Variants in SIPA1L2 observed in about 807,000 individuals in gnomAD.
SIPA1L2 encodes the protein signal induced proliferation associated 1 like 2, also known as signal-induced proliferation-associated 1-like protein 2.
SIPA1L2 carries 56 observed loss-of-function variants against 163.9 expected under a neutral mutation model. The ratio of observed to expected loss-of-function variants is 0.34; its 90% CI spans 0.28 to 0.43. SIPA1L2 has a LOEUF of 0.43. Ranked by LOEUF, SIPA1L2 falls within the 20% of genes least tolerant of loss-of-function variation. The pLI is 1.00. For missense variants in SIPA1L2, 1,974 were observed against 2,193.5 expected, an observed-to-expected ratio of 0.90 and a Z score of 2.00; for synonymous variants, 877 against 865.7, an observed-to-expected ratio of 1.01 and a Z score of -0.23.
At chr1:232,412,806 C>T (rs553978215) in intron 19 of SIPA1L2, among the ~76,000 whole-genome samples, 1 of 152,294 alleles carries the variant, frequency 6.6e-6, no homozygotes, top group African/African-American at 2.4e-5. Context: ...ACTCCTTCCA[C>T]ATTATTTTAT....
intron 19 of SIPA1L2, among the ~76,000 whole-genome samples, chr1:232,411,506 T>G (rs940981844): frequency 6.6e-6 from 1 of 152,214 alleles, no homozygotes; most frequent in African/African-American, 2.4e-5. Context: ...TGGATCAAAT[T>G]TGCTATTGGT....
intron 19 of SIPA1L2, among the ~76,000 whole-genome samples, chr1:232,412,075 T>C (rs1209809221): frequency 1.3e-5 from 2 of 152,224 alleles, no homozygotes; most frequent in Non-Finnish European, 2.9e-5. Flanking sequence ...TAAGTAGTCA[T>C]GATTTGACAG....
At chr1:232,427,913 C>G (rs1482091841) in intron 17 of SIPA1L2, among the ~76,000 whole-genome samples, 2 of 152,212 alleles carry the variant, frequency 1.3e-5, no homozygotes, top group African/African-American at 4.8e-5. Context: ...TAAGGAGAGA[C>G]AGCTTGGAGC....
At chr1:232,481,402 G>C (rs1572962964) in intron 6 of SIPA1L2, among the ~76,000 whole-genome samples, 1 of 152,274 alleles carries the variant, frequency 6.6e-6, no homozygotes, top group East Asian at 1.9e-4. Flanking sequence ...AATTCGGAAA[G>C]AGAAATGCTG....
At position 232,514,896 on chromosome 1, in the gene SIPA1L2, G is replaced by T. The variant is rs1301853819; in HGVS notation, c.444C>A (p.Ser148=). Residue 148 remains serine, a synonymous_variant, in exon 3 of 23, where the codon TCC becomes TCA. Transcript: ENST00000674635. ...KYTIGDIFVH[S]PQRGLHPIRQ... is the part of the protein sequence containing the mutation. ...TTATGGGGTGAAGTCCTCTTTGGGG[G>T]GAATGGACAAAGATGTCTCCGATTG... The T allele has an allele frequency of 3.7e-6, 6 of 1,614,094 alleles. No homozygotes were observed. The highest frequency in any genetic ancestry group is 5.1e-6 in the Non-Finnish European group (6 of 1,180,008).
chr1:232,556,357 T>C (rs1349742630), intron 2 of SIPA1L2, among the ~76,000 whole-genome samples: 4 of 152,180 alleles, frequency 2.6e-5, no homozygotes, highest in Non-Finnish European at 4.4e-5. Flanking sequence ...CAAATAATTA[T>C]CTCAATTACA....
At chr1:232,419,838 CT>C (rs1661464662) in intron 18 of SIPA1L2, among the ~76,000 whole-genome samples, 1 of 152,226 alleles carries the variant, frequency 6.6e-6, no homozygotes, top group Non-Finnish European at 1.5e-5. Flanking sequence ...ATATGCAATA[CT>C]TTTATCACTA....
intron 19 of SIPA1L2, among the ~76,000 whole-genome samples, chr1:232,406,317 G>C (rs1660630674): frequency 6.6e-6 from 1 of 152,182 alleles, no homozygotes; most frequent in South Asian, 2.1e-4. Flanking sequence ...CTCCACACGT[G>C]GAGCCCCTTC....
intron 1 of SIPA1L2, among the ~76,000 whole-genome samples, chr1:232,625,548 C>T (rs1212454496): frequency 2.0e-5 from 3 of 152,126 alleles, no homozygotes; most frequent in Admixed American, 6.5e-5. Flanking sequence ...AAAGGAAACT[C>T]GTTGAGTCTG....
intron 1 of SIPA1L2, among the ~76,000 whole-genome samples, chr1:232,628,142 G>GCCT (rs1458713637): frequency 6.6e-6 from 1 of 152,198 alleles, no homozygotes; most frequent in Non-Finnish European, 1.5e-5. Context: ...ATAACTGGGA[G>GCCT]CCTGCTGCTG....
intron 3 of SIPA1L2, among the ~76,000 whole-genome samples, chr1:232,498,087 A>G (rs1666289411): frequency 6.6e-6 from 1 of 152,148 alleles, no homozygotes; most frequent in Admixed American, 6.5e-5. Flanking sequence ...CTCACCTCCA[A>G]AAAGGCCAAA....
At position 232,597,629 on chromosome 1, in the gene SIPA1L2, G is replaced by T. The variant is rs985558272; in HGVS notation, c.-318-23407C>A. On this transcript the variant is annotated intron_variant, in intron 1 of 22. Coordinates refer to ENST00000674635, the MANE Select transcript of SIPA1L2 (RefSeq NM_020808.5). ...GGCATGAACCCAGGAGGCAGAGGTT[G>T]CAGTGAGCCGAGTTTGCGCCACTGC... Among the ~76,000 whole-genome samples the T allele has an allele frequency of 2.1e-5, 3 of 146,068 alleles. No individual in the cohort carries two copies. The Middle Eastern group carries it at 0.011, about 537-fold the overall frequency.
Position 232,416,918 on chromosome 1 carries a change from CGTT to C in SIPA1L2, c.4631-1296_4631-1294del, listed in dbSNP as rs752819894. ...AAGTGTTTATGTCATTAATAATACTCGTTGTTAAGAACTTATTACGCATCTGAG... is the reference window on the plus strand; with the variant it reads ...AAGTGTTTATGTCATTAATAATACTCGTTAAGAACTTATTACGCATCTGAG... On this transcript the variant is annotated intron_variant, in intron 18 of 22. Transcript: ENST00000674635. 1.4e-4 allele frequency among the ~76,000 whole-genome samples: 22 copies of C among 152,204 alleles called. No homozygotes were observed. In the South Asian group the frequency reaches 1.5e-3, roughly 10 times the overall value.
Position 232,398,995 on chromosome 1 carries a change from G to T in SIPA1L2, c.*132C>A. On this transcript the variant is annotated 3_prime_UTR_variant, in exon 23 of 23. Coordinates refer to ENST00000674635, the MANE Select transcript of SIPA1L2 (RefSeq NM_020808.5). ...TCGAGGCTCCCTATCCTGCTGTGGT[G>T]AATGGTGCTACACAGAATGGAACAG... is the stretch of plus-strand genomic sequence containing the variant. 1.6e-6 allele frequency: 2 copies of T among 1,263,180 alleles called. No homozygotes were observed. Among genetic ancestry groups the T allele is most frequent in the African/African-American group, 3.0e-5 (2 of 67,680 alleles). 78.2% of individuals were successfully genotyped at this position (1,263,180 alleles called of 1,614,324 possible).
intron 19 of SIPA1L2, 133 bp downstream of exon 19, chr1:232,415,361 T>A (rs994326140): frequency 3.5e-6 from 4 of 1,143,872 alleles, no homozygotes; most frequent in Non-Finnish European, 4.7e-6. Context: ...GTTTTCATCA[T>A]CCAACAAGGC....
intron 8 of SIPA1L2, among the ~76,000 whole-genome samples, chr1:232,466,642 T>A (rs575276372): frequency 6.6e-6 from 1 of 152,072 alleles, no homozygotes; most frequent in African/African-American, 2.4e-5. Flanking sequence ...TACAAAAAAA[T>A]TAGCCGGGCG....
intron 1 of SIPA1L2, among the ~76,000 whole-genome samples, chr1:232,626,586 A>T (rs1663089614): frequency 6.6e-6 from 1 of 152,212 alleles, no homozygotes; most frequent in African/African-American, 2.4e-5. Flanking sequence ...TTAAATTCCT[A>T]CCACATTGTT....
intron 10 of SIPA1L2, among the ~76,000 whole-genome samples, chr1:232,448,280 AGAT>A (rs1663334956): frequency 6.6e-6 from 1 of 152,236 alleles, no homozygotes. Context: ...CGGGAAGACT[AGAT>A]AAGTCTCAAC....
intron 2 of SIPA1L2, among the ~76,000 whole-genome samples, chr1:232,573,843 A>G (rs996105662): frequency 2.0e-5 from 3 of 152,162 alleles, no homozygotes; most frequent in East Asian, 1.9e-4. Context: ...TACCTCTAAT[A>G]TAAGGGATGC....
Sources: gnomAD v4.1 joint callset for allele counts (sites outside exome capture counted in the v4.1 genomes callset) on GRCh38, gnomAD v4.1.1 for gene constraint, MANE v1.5 for transcripts, NCBI Gene and HGNC (gene_info 2026-07-23, HGNC 2026-07-21) for gene names.